The following HCRTR1 variants were observed in gnomAD, a reference collection of about 807,000 sequenced individuals.
The protein encoded by HCRTR1 is orexin/Hypocretin receptor type 1.
HCRTR1 carries 28 observed loss-of-function variants against 40.6 expected under a neutral mutation model. That is an observed-to-expected ratio of 0.69 (90% CI 0.51 to 0.95). The LOEUF (loss-of-function observed/expected upper bound fraction) is 0.95. HCRTR1 is among the 40% of genes least tolerant of loss of function. HCRTR1 has a pLI of 0.00. For missense variants in HCRTR1, 482 were observed against 564.7 expected (o/e 0.85, Z 1.48); for synonymous variants, 209 against 230.0 (o/e 0.91, Z 0.83).
At chr1:31,629,701 T>C (rs879413371), downstream of HCRTR1, among the ~76,000 whole-genome samples, 1 of 152,122 alleles carries the variant, frequency 6.6e-6, no homozygotes, top group Admixed American at 6.5e-5. Flanking sequence ...CTGGCTACCC[T>C]ATACTTCAAC....
At position 31,620,998 on chromosome 1, in the gene HCRTR1, C is replaced by G; in HGVS notation, c.534C>G (p.Pro178=). Residue 178 remains proline (P), a synonymous_variant, in exon 5 of 9, where the codon CCC becomes CCG. Transcript: ENST00000403528. ...IWAVSLAIMV[P]QAAVMECSSV... is the part of the protein sequence containing the mutation. The stretch of plus-strand genomic sequence containing the variant: ...CTGTGTCGCTGGCCATCATGGTGCC[C>G]CAGGCTGCAGTCATGGAATGCAGCA... The G allele has an allele frequency of 1.2e-6, 2 of 1,613,944 alleles. No individual in the cohort carries two copies. Among genetic ancestry groups the G allele is most frequent in the Non-Finnish European group, 1.7e-6 (2 of 1,180,022 alleles).
At chr1:31,629,151 A>C (rs1640032649), downstream of HCRTR1, among the ~76,000 whole-genome samples, 1 of 152,210 alleles carries the variant, frequency 6.6e-6, no homozygotes, top group African/African-American at 2.4e-5. Context: ...GATTCCATCT[A>C]ATGCGGGGAT....
rs201881922 is a variant in HCRTR1, at chr1:31,619,366, C to T, written c.174C>T (p.Val58=). 16 of 1,614,172 alleles carry T rather than the reference C, an allele frequency of 9.9e-6. No individual in the cohort carries two copies. Among genetic ancestry groups the T allele is most frequent in the East Asian group, 4.5e-5 (2 of 44,882 alleles). Reference sequence around the variant, plus strand: ...TCGCAGCCTATGTGGCTGTGTTCGTCGTGGCCCTGGTGGGCAACACGCTGG... The same window carrying T: ...TCGCAGCCTATGTGGCTGTGTTCGTTGTGGCCCTGGTGGGCAACACGCTGG... ...VLIAAYVAVF[V]VALVGNTLVC... is the part of the protein sequence containing the mutation. Residue 58 remains valine, a synonymous_variant, in exon 3 of 9, where the codon GTC becomes GTT. Transcript: ENST00000403528.
chr1:31,620,568 G>C (rs11575884), intron 4 of HCRTR1, among the ~76,000 whole-genome samples: 2 of 152,184 alleles, frequency 1.3e-5, no homozygotes, highest in Non-Finnish European at 1.5e-5. Context: ...ATTATTCACC[G>C]GAGGGGTGCA....
At chr1:31,618,945 G>A in intron 2 of HCRTR1, 106 bp from the exon 3 acceptor site, 1 of 532,352 alleles carries the variant, frequency 1.9e-6, no homozygotes, top group Non-Finnish European at 3.4e-6. Flanking sequence ...CCAATTTCAT[G>A]ACTGTGAGAA....
downstream of HCRTR1, among the ~76,000 whole-genome samples, chr1:31,631,730 A>T (rs1399658150): frequency 6.6e-6 from 1 of 152,246 alleles, no homozygotes; most frequent in East Asian, 1.9e-4. Flanking sequence ...CCTTACTAAT[A>T]TCCACGACAA....
chr1:31,625,197 C>A lies in HCRTR1; in HGVS notation c.1087+79C>A. 2 of 1,432,490 alleles carry A rather than the reference C, an allele frequency of 1.4e-6. No individual in the cohort carries two copies. The highest frequency in any genetic ancestry group is 9.3e-7 in the Non-Finnish European group (1 of 1,070,476). 88.7% of individuals were successfully genotyped at this position (1,432,490 alleles called of 1,614,324 possible). Reference sequence around the variant, plus strand: ...AAGTCTCCCCATCCCCAAGCCAGGGCCCAAATAAAGGATGGTGGGTGAGGA... The same window carrying A: ...AAGTCTCCCCATCCCCAAGCCAGGGACCAAATAAAGGATGGTGGGTGAGGA... On this transcript the variant is annotated intron_variant, in intron 8 of 8. Coordinates refer to ENST00000403528, the MANE Select transcript of HCRTR1 (RefSeq NM_001525.3). The surrounding 1 kb of genome is among the most constrained non-coding windows in gnomAD (Gnocchi z 4.2).
In HCRTR1 at chr1:31,626,756, T is replaced by G. The variant is rs770065209; in HGVS notation, c.1088-34T>G. ...AAGGCCCCTTCCTGCTGCATCTGTC[T>G]CCTTATGGCTGTGTCTTTTGTCTCC... On this transcript the variant is annotated intron_variant, in intron 8 of 8. Transcript: ENST00000403528. The surrounding 1 kb of genome is among the most constrained non-coding windows in gnomAD (Gnocchi z 4.6). 1 of 1,547,172 alleles carries G rather than the reference T, an allele frequency of 6.5e-7. No homozygotes were observed. The highest frequency in any genetic ancestry group is 8.8e-7 in the Non-Finnish European group (1 of 1,138,338).
intron 4 of HCRTR1, 52 bp downstream of exon 4, chr1:31,619,762 C>T: frequency 5.3e-6 from 8 of 1,522,170 alleles, no homozygotes; most frequent in Non-Finnish European, 7.1e-6. Context: ...CTGTAAAAAA[C>T]CCACGGCCTT....
Position 31,624,153 on chromosome 1 carries a change from T to C in HCRTR1, c.965+404T>C, listed in dbSNP as rs143536499. 2.0e-5 allele frequency among the ~76,000 whole-genome samples: 3 copies of C among 152,138 alleles called. No homozygotes were observed. In the East Asian group the frequency reaches 5.8e-4, roughly 29 times the overall value. On this transcript the variant is annotated intron_variant, in intron 7 of 8. Transcript: ENST00000403528. ...GGTGGGTTTTTGCTTTTGCTTTAGA[T>C]ACAATGGTTTAAAAAAAGCAGGGGG...
downstream of HCRTR1, among the ~76,000 whole-genome samples, chr1:31,629,209 C>G (rs905370675): frequency 3.3e-5 from 5 of 152,208 alleles, no homozygotes; most frequent in African/African-American, 1.2e-4. Context: ...CCTGGCTAAG[C>G]CCGACACACT....
chr1:31,628,250 G>C (rs1054274530), downstream of HCRTR1, among the ~76,000 whole-genome samples: 2 of 152,250 alleles, frequency 1.3e-5, no homozygotes, highest in African/African-American at 2.4e-5. Context: ...GCTGCCAGGG[G>C]CCCAGCCCAG....
Position 31,626,815 on chromosome 1 carries a change from T to A in HCRTR1, c.1113T>A (p.Ala371=). 6.2e-7 allele frequency: 1 copy of A among 1,614,048 alleles called. No homozygotes were observed. Among genetic ancestry groups the A allele is most frequent in the Non-Finnish European group, 8.5e-7 (1 of 1,179,968 alleles). ...GCAAATTCCGGGAGCAGTTTAAGGC[T>A]GCCTTCTCCTGCTGCCTGCCTGGCC... is the stretch of plus-strand genomic sequence containing the variant. ...LSGKFREQFK[A]AFSCCLPGLG... The change falls in exon 9 of 9, where the codon GCT becomes GCA. Residue 371 remains alanine (A), a synonymous_variant. Coordinates refer to ENST00000403528, the MANE Select transcript of HCRTR1 (RefSeq NM_001525.3). The surrounding 1 kb of genome is among the most constrained non-coding windows in gnomAD (Gnocchi z 4.6).
Position 31,625,013 on chromosome 1 carries a change from C to T in HCRTR1, c.982C>T (p.Arg328Cys), listed in dbSNP as rs541388873. Reference protein sequence around the residue: ...NVLKRVFGMFRQASDREAVYA... With the variant: ...NVLKRVFGMFCQASDREAVYA... ...TGGGCCTAGGGTGTTCGGGATGTTC[C>T]GCCAAGCCAGTGACCGCGAAGCTGT... Residue 328 changes from arginine to cysteine, a missense_variant, in exon 8 of 9, where the codon CGC (arginine) becomes TGC (cysteine). By Grantham distance (180) the Arg-to-Cys change is radical (BLOSUM62 -3). Coordinates refer to ENST00000403528, the MANE Select transcript of HCRTR1 (RefSeq NM_001525.3). This position sits in a 1 kb window ranked among gnomAD's most constrained non-coding sequence, Gnocchi z 4.2. 8.1e-6 allele frequency: 13 copies of T among 1,607,078 alleles called. No homozygotes were observed. Among genetic ancestry groups the T allele is most frequent in the South Asian group, 4.4e-5 (4 of 90,326 alleles).
rs1272754440 is a variant in HCRTR1, at chr1:31,619,676, G to A, written c.344G>A (p.Gly115Asp). Residue 115 changes from glycine (G) to aspartate (D), a missense_variant, in exon 4 of 9, where the codon GGC (glycine) becomes GAC (aspartate). Transcript: ENST00000403528. ...GACATCACTGAGTCCTGGCTGTTCG[G>A]CCATGCCCTCTGCAAGGTCATCCCC... ...LVDITESWLFGHALCKVIPYL... is the reference protein window; with the variant it reads ...LVDITESWLFDHALCKVIPYL... 6.8e-6 allele frequency: 11 copies of A among 1,611,262 alleles called. No homozygotes were observed. Among genetic ancestry groups the A allele is most frequent in the Non-Finnish European group, 9.3e-6 (11 of 1,178,512 alleles).
downstream of HCRTR1, among the ~76,000 whole-genome samples, chr1:31,628,593 G>C (rs975563488): frequency 6.6e-6 from 1 of 152,254 alleles, no homozygotes; most frequent in African/African-American, 2.4e-5. Flanking sequence ...GAGCACAAAG[G>C]TGAGAGACTA....
downstream of HCRTR1, chr1:31,632,631 A>C: frequency 6.2e-7 from 1 of 1,613,836 alleles, no homozygotes; most frequent in African/African-American, 1.3e-5. Flanking sequence ...TGGTCTTGTC[A>C]AACATGTCTG....
chr1:31,620,216 C>T (rs1639823444), intron 4 of HCRTR1, among the ~76,000 whole-genome samples: 1 of 152,224 alleles, frequency 6.6e-6, no homozygotes, highest in Non-Finnish European at 1.5e-5. Flanking sequence ...CTGTGATCCA[C>T]TTCCTGCACC....
At chr1:31,621,952 G>C (rs984414171) in intron 6 of HCRTR1, among the ~76,000 whole-genome samples, 10 of 152,092 alleles carry the variant, frequency 6.6e-5, no homozygotes, top group African/African-American at 2.4e-4. Flanking sequence ...AGTAGATCAG[G>C]AACTAAAGCC....
Sources: allele counts gnomAD v4.1 joint callset (sites outside exome capture counted in the v4.1 genomes callset), GRCh38; gene constraint gnomAD v4.1.1; non-coding constraint Gnocchi (gnomAD v3.1); transcripts MANE v1.5; gene names NCBI Gene and HGNC (gene_info 2026-07-23, HGNC 2026-07-21).